Variants in TMEM40 observed in about 807,000 individuals in gnomAD.
TMEM40 encodes the protein transmembrane protein 40.
A neutral mutation model predicts 40.8 loss-of-function variants in TMEM40; 34 were observed. The ratio of observed to expected loss-of-function variants is 0.83; its 90% CI spans 0.63 to 1.11. The LOEUF (loss-of-function observed/expected upper bound fraction) is 1.11, where lower values mean the gene tolerates loss of function less well. TMEM40 is among the 50% of genes least tolerant of loss of function. The probability of loss-of-function intolerance (pLI) is 0.00; values close to 1 mark genes in which losing one functional copy is unlikely to be tolerated. For synonymous variants in TMEM40, 106 were observed against 107.0 expected, an observed-to-expected ratio of 0.99 and a Z score of 0.06; for missense variants, 296 against 280.2, an observed-to-expected ratio of 1.06 and a Z score of -0.40.
chr3:12,769,260 G>A (rs1481675730), exon 1 of TMEM40: 1 of 413,150 alleles, frequency 2.4e-6, no homozygotes, highest in Non-Finnish European at 5.0e-6. Flanking sequence ...CCTCCCGGAA[G>A]GCTGAGGGAG....
chr3:12,762,393 T>G (rs2061575745), upstream of TMEM40, among the ~76,000 whole-genome samples: 1 of 152,184 alleles, frequency 6.6e-6, no homozygotes, highest in Non-Finnish European at 1.5e-5. Context: ...ATGGTGCTGA[T>G]TTAGAGGTAG....
rs1175883619 is a variant in TMEM40, at chr3:12,733,889, TTTTA to T, written c.*881_*884del. 5 of 146,934 alleles carry T rather than the reference TTTTA, an allele frequency of 3.4e-5. No homozygotes were observed. The highest frequency in any genetic ancestry group is 2.1e-4 in the South Asian group (1 of 4,680). The allele number at this position is 146,934 out of a possible 1,614,324, so 9.1% of individuals were successfully genotyped here. A position where few individuals can be genotyped will look rare whatever the true frequency, so the allele number is the denominator to read the frequency against. On this transcript the variant is annotated 3_prime_UTR_variant, in exon 12 of 12. Transcript: ENST00000314124. ...GTTGTACACTACAAATACATGCAAT[TTTTA>T]TTTGTCTTTTTTTTTTTTTTTTAAT...
At chr3:12,744,123 G>T in intron 3 of TMEM40, 134 bp from the exon 4 acceptor site, 1 of 821,690 alleles carries the variant, frequency 1.2e-6, no homozygotes, top group South Asian at 1.9e-5. Flanking sequence ...CTGATTTGGG[G>T]ACTGGAGGTA....
chr3:12,762,862 C>G (rs1477781725), upstream of TMEM40, among the ~76,000 whole-genome samples: 3 of 152,152 alleles, frequency 2.0e-5, no homozygotes, highest in Admixed American at 6.5e-5. Flanking sequence ...ATGTTTCCTG[C>G]CACTTAAAGG....
At chr3:12,752,553 C>A (rs543055382) in intron 1 of TMEM40, among the ~76,000 whole-genome samples, 2 of 152,072 alleles carry the variant, frequency 1.3e-5, no homozygotes, top group Non-Finnish European at 2.9e-5. Context: ...AATCCCAGGA[C>A]TTTGGGAGGC....
intron 1 of TMEM40, among the ~76,000 whole-genome samples, chr3:12,764,968 TTCAA>T (rs2061587395): frequency 6.6e-6 from 1 of 151,692 alleles, no homozygotes; most frequent in South Asian, 2.1e-4. Context: ...GCCTCCCAGG[TTCAA>T]GCAATTCTCC....
upstream of TMEM40, among the ~76,000 whole-genome samples, chr3:12,761,800 C>G (rs1297672953): frequency 6.6e-6 from 1 of 151,858 alleles, no homozygotes; most frequent in Non-Finnish European, 1.5e-5. Context: ...GGTTATGGAG[C>G]CCTTGACACA....
At chr3:12,745,475 G>T (rs2061420199) in intron 3 of TMEM40, among the ~76,000 whole-genome samples, 1 of 152,034 alleles carries the variant, frequency 6.6e-6, no homozygotes, top group Non-Finnish European at 1.5e-5. Context: ...TGGAGACAGG[G>T]TCTCACTCTG....
chr3:12,768,782 G>T (rs936951805), intron 1 of TMEM40, among the ~76,000 whole-genome samples: 1 of 152,098 alleles, frequency 6.6e-6, no homozygotes, highest in Admixed American at 6.5e-5. Context: ...CCAGTCCCGC[G>T]CAGTGCTCCC....
chr3:12,768,919 G>GGGGTGGGGCGGGGC (rs1559538126), intron 1 of TMEM40, among the ~76,000 whole-genome samples: 1 of 85,684 alleles, frequency 1.2e-5, no homozygotes, highest in Non-Finnish European at 2.4e-5. Flanking sequence ...GGCCGGGGCC[G>GGGGTGGGGCGGGGC]GGGCCGGGGC....
At position 12,735,577 on chromosome 3, in the gene TMEM40, G is replaced by A. The variant is rs2061330989; in HGVS notation, c.660C>T (p.Leu220=). Residue 220 remains leucine, a synonymous_variant, in exon 11 of 12, where the codon CTC becomes CTT. Coordinates refer to ENST00000314124, the MANE Select transcript of TMEM40 (RefSeq NM_018306.4). ...IHSVLQGFIP[L]FQKFRLTGFR... ...TACCTGTCAGCCTAAACTTCTGGAAGAGGGGGATGAAGCCTTGGAGGACGC... is the reference window on the plus strand; with the variant it reads ...TACCTGTCAGCCTAAACTTCTGGAAAAGGGGGATGAAGCCTTGGAGGACGC... The A allele has an allele frequency of 6.2e-7, 1 of 1,613,744 alleles. No homozygotes were observed. The highest frequency in any genetic ancestry group is 8.5e-7 in the Non-Finnish European group (1 of 1,179,910).
chr3:12,767,770 A>G (rs2061600707), intron 1 of TMEM40, among the ~76,000 whole-genome samples: 1 of 152,128 alleles, frequency 6.6e-6, no homozygotes, highest in Admixed American at 6.5e-5. Flanking sequence ...ACAAAGAGGC[A>G]AGGAGGGTCA....
rs2061402145 is a variant in TMEM40, at chr3:12,743,888, C to T, written c.301+12G>A. ...AGTGGGCAAAAGAAAAATGGTAAGG[C>T]CTATTTCCTACCGGGTGAGCCGTTC... On this transcript the variant is annotated intron_variant, in intron 4 of 11. Transcript: ENST00000314124. The T allele has an allele frequency of 1.2e-6, 2 of 1,612,718 alleles. No homozygotes were observed. Among genetic ancestry groups the T allele is most frequent in the South Asian group, 2.2e-5 (2 of 90,560 alleles).
chr3:12,763,717 C>A (rs1208130559), upstream of TMEM40, among the ~76,000 whole-genome samples: 1 of 151,986 alleles, frequency 6.6e-6, no homozygotes, highest in African/African-American at 2.4e-5. Context: ...ATAAAGTGGT[C>A]AAGGCAGCGC....
At position 12,768,432 on chromosome 3, in the gene TMEM40, C is replaced by T. The variant is rs752002626; in HGVS notation, c.-9+819G>A. Among the ~76,000 whole-genome samples the T allele has an allele frequency of 1.9e-4, 29 of 152,222 alleles. 2 individuals are homozygous for T. The highest frequency in any genetic ancestry group is 2.5e-4 in the Non-Finnish European group (17 of 68,004). Reference sequence around the variant, plus strand: ...TCATTTTACAGAGAGCCGATTGGTCCGTTTTGACAGGGTGCTGATTGGTGC... The same window carrying T: ...TCATTTTACAGAGAGCCGATTGGTCTGTTTTGACAGGGTGCTGATTGGTGC... On this transcript the variant is annotated intron_variant, in intron 1 of 11. Transcript: ENST00000264728.
chr3:12,738,515 C>A (rs1301531713), intron 6 of TMEM40, 38 bp downstream of exon 6: 1 of 1,612,638 alleles, frequency 6.2e-7, no homozygotes, highest in South Asian at 1.1e-5. Flanking sequence ...GGCTCAATAC[C>A]AGCACCAACG....
At chr3:12,736,437 A>C in intron 10 of TMEM40, 141 bp downstream of exon 10, 12 of 968,308 alleles carry the variant, frequency 1.2e-5, no homozygotes, top group Non-Finnish European at 1.5e-5. Flanking sequence ...GGCGTAAGCC[A>C]CCGCGCCTGG....
chr3:12,745,673 T>G lies in TMEM40; in HGVS notation c.212-1684A>C, dbSNP rs543964126. 7.8e-3 allele frequency among the ~76,000 whole-genome samples: 1,189 copies of G among 152,284 alleles called. 10 individuals carry two copies. Among genetic ancestry groups the G allele is most frequent in the Non-Finnish European group, 0.014 (920 of 68,018 alleles). On this transcript the variant is annotated intron_variant, in intron 3 of 11. Transcript: ENST00000314124. ...CATGTTGCCCACGCTGGTCTCGAAC[T>G]CCTGGACTCAAGTGATCCACTCACC... is the stretch of plus-strand genomic sequence containing the variant.
At chr3:12,751,684 C>A (rs894925696) in intron 1 of TMEM40, among the ~76,000 whole-genome samples, 2 of 152,312 alleles carry the variant, frequency 1.3e-5, no homozygotes, top group Middle Eastern at 3.4e-3. Context: ...GAATGACTGA[C>A]AGCAGAAGCC....
Sources: gnomAD v4.1 joint callset for allele counts (sites outside exome capture counted in the v4.1 genomes callset) on GRCh38, gnomAD v4.1.1 for gene constraint, MANE v1.5 for transcripts, NCBI Gene and HGNC (gene_info 2026-07-23, HGNC 2026-07-21) for gene names.